MACROD2: variants seen among roughly 807,000 people sequenced by gnomAD.
The protein encoded by MACROD2 is ADP-ribose glycohydrolase MACROD2.
Under a neutral mutation model 70.4 loss-of-function variants are expected in MACROD2, and 36 were observed. The ratio of observed to expected loss-of-function variants is 0.51; its 90% CI spans 0.39 to 0.68. MACROD2 has a LOEUF of 0.68. Ranked by LOEUF, MACROD2 falls within the 30% of genes least tolerant of loss-of-function variation. The pLI, the probability that MACROD2 is intolerant of heterozygous loss-of-function variation, is 0.00. For missense variants in MACROD2, 496 were observed against 538.4 expected (o/e 0.92, Z 0.78); for synonymous variants, 172 against 178.8 (o/e 0.96, Z 0.30).
At chr20:14,376,571 A>T (rs1398608533) in intron 3 of MACROD2, among the ~76,000 whole-genome samples, 1 of 151,764 alleles carries the variant, frequency 6.6e-6, no homozygotes, top group East Asian at 1.9e-4. Context: ...ATATAGTGAG[A>T]CTCCGTCTCT....
rs75601163 is a variant in MACROD2 at position 14,714,165 on chromosome 20, C to T, written c.418+29206C>T. ...TAGACTGAGCCTGTTGCCATGGGTACGTGGAAAATGACAGAGTCAGTATTG... is the reference window on the plus strand; with the variant it reads ...TAGACTGAGCCTGTTGCCATGGGTATGTGGAAAATGACAGAGTCAGTATTG... On this transcript the variant is annotated intron_variant, in intron 5 of 17. Transcript: ENST00000684519. Among the ~76,000 whole-genome samples the T allele has an allele frequency of 1.1e-3, 162 of 152,140 alleles. 2 individuals carry two copies. The East Asian group carries it at 0.026, about 25-fold the overall frequency.
intron 3 of MACROD2, among the ~76,000 whole-genome samples, chr20:14,237,083 T>C (rs1358998607): frequency 7.2e-5 from 11 of 152,174 alleles, no homozygotes; most frequent in Admixed American, 7.2e-4. Flanking sequence ...TCTTCAATAA[T>C]TAGAAGATAA....
intron 8 of MACROD2, among the ~76,000 whole-genome samples, chr20:15,516,136 C>A (rs1389474334): frequency 6.6e-6 from 1 of 151,928 alleles, no homozygotes; most frequent in Non-Finnish European, 1.5e-5. Flanking sequence ...ATCCTTTTTT[C>A]AGTTAATCTA....
chr20:14,219,373 G>A lies in MACROD2; in HGVS notation c.271+133645G>A, dbSNP rs554292270. ...TCTTATTGTTAAAAGTGTGTCCAAA[G>A]TTTCCTGAATTTTTTTTTTTCTTTA... On this transcript the variant is annotated intron_variant, in intron 3 of 17. Coordinates refer to ENST00000684519, the MANE Select transcript of MACROD2 (RefSeq NM_001351661.2). 2.0e-5 allele frequency among the ~76,000 whole-genome samples: 3 copies of A among 151,620 alleles called. No homozygotes were observed. In the South Asian group the frequency reaches 6.3e-4, roughly 32 times the overall value.
intron 15 of MACROD2, among the ~76,000 whole-genome samples, chr20:16,002,731 C>A (rs554570271): frequency 6.6e-6 from 1 of 152,162 alleles, no homozygotes; most frequent in Non-Finnish European, 1.5e-5. Context: ...AGACATCTGG[C>A]CTCCAGAACT....
intron 8 of MACROD2, among the ~76,000 whole-genome samples, chr20:15,675,204 A>G (rs1411711577): frequency 6.6e-6 from 1 of 152,246 alleles, no homozygotes; most frequent in Non-Finnish European, 1.5e-5. Context: ...TTAGGAATGC[A>G]GTAACTAGTT....
chr20:14,763,934 C>A (rs575544724), intron 5 of MACROD2, among the ~76,000 whole-genome samples: 8 of 152,086 alleles, frequency 5.3e-5, no homozygotes, highest in African/African-American at 1.7e-4. Flanking sequence ...AAGGGGTTCA[C>A]AAACCTCAGA....
intron 4 of MACROD2, among the ~76,000 whole-genome samples, chr20:14,560,489 C>G (rs1379901996): frequency 6.6e-6 from 1 of 151,758 alleles, no homozygotes; most frequent in Non-Finnish European, 1.5e-5. Flanking sequence ...CAGCCTATTT[C>G]TGGGATTTAC....
In MACROD2 at chr20:14,056,152, G is replaced by A. The variant is rs571256708; in HGVS notation, c.164-29469G>A. 2.0e-5 allele frequency among the ~76,000 whole-genome samples: 3 copies of A among 151,994 alleles called. No individual in the cohort carries two copies. In the East Asian group the frequency reaches 5.8e-4, roughly 29 times the overall value. On this transcript the variant is annotated intron_variant, in intron 2 of 17. Transcript: ENST00000684519. ...GGTTTTGGATAATATGATAATTTGT[G>A]TTTTCCTTAAGAATTGTCTGTTTTG...
intron 4 of MACROD2, among the ~76,000 whole-genome samples, chr20:14,586,907 C>T (rs528096299): frequency 1.3e-4 from 20 of 152,080 alleles, no homozygotes; most frequent in African/African-American, 4.6e-4. Context: ...CATTACTCTT[C>T]TCTTTCAGAA....
At chr20:14,547,246 G>A (rs1342998545) in intron 4 of MACROD2, 2 of 588,578 alleles carry the variant, frequency 3.4e-6, no homozygotes, top group Non-Finnish European at 2.4e-6. Flanking sequence ...GGAGGGACAC[G>A]TGAAGGATCT....
At chr20:14,814,933 A>G (rs1410177987) in intron 5 of MACROD2, among the ~76,000 whole-genome samples, 1 of 152,032 alleles carries the variant, frequency 6.6e-6, no homozygotes, top group African/African-American at 2.4e-5. Context: ...GAATGAATGA[A>G]TGAATGAATG....
intron 3 of MACROD2, among the ~76,000 whole-genome samples, chr20:14,488,370 A>G (rs2084758580): frequency 6.6e-6 from 1 of 152,216 alleles, no homozygotes; most frequent in South Asian, 2.1e-4. Context: ...GATCTACAGT[A>G]TAGTGTCATA....
intron 6 of MACROD2, among the ~76,000 whole-genome samples, chr20:15,364,701 T>G (rs980186930): frequency 6.6e-6 from 1 of 152,188 alleles, no homozygotes; most frequent in Non-Finnish European, 1.5e-5. Context: ...GCACGTTATC[T>G]CCTCCTTTTC....
chr20:14,427,163 T>C (rs969394548), intron 3 of MACROD2, among the ~76,000 whole-genome samples: 2 of 152,106 alleles, frequency 1.3e-5, no homozygotes, highest in Non-Finnish European at 2.9e-5. Context: ...GGTGAAACTT[T>C]TATAATAAAT....
intron 6 of MACROD2, among the ~76,000 whole-genome samples, chr20:15,338,086 C>CT (rs1406872649): frequency 6.6e-6 from 1 of 151,422 alleles, no homozygotes; most frequent in Admixed American, 6.6e-5. Context: ...AGTACCCTCT[C>CT]TTTTTCAGGT....
chr20:14,931,573 G>A (rs2074296116), intron 5 of MACROD2, among the ~76,000 whole-genome samples: 2 of 152,108 alleles, frequency 1.3e-5, no homozygotes, highest in South Asian at 4.1e-4. Flanking sequence ...GCTTTGTGAT[G>A]CATATTGGTA....
intron 6 of MACROD2, among the ~76,000 whole-genome samples, chr20:15,326,555 T>A (rs969509452): frequency 2.0e-5 from 3 of 152,150 alleles, no homozygotes; most frequent in African/African-American, 7.2e-5. Context: ...CCTATAACCA[T>A]TTTTTAAAGT....
At chr20:15,939,404 G>A (rs113225727) in intron 12 of MACROD2, among the ~76,000 whole-genome samples, 35 of 152,060 alleles carry the variant, frequency 2.3e-4, no homozygotes, top group Non-Finnish European at 4.0e-4. Flanking sequence ...ACAATTAGGC[G>A]AAGTCTACCC....
Sources: gnomAD v4.1 joint callset for allele counts (sites outside exome capture counted in the v4.1 genomes callset) on GRCh38, gnomAD v4.1.1 for gene constraint, MANE v1.5 for transcripts, NCBI Gene and HGNC (gene_info 2026-07-23, HGNC 2026-07-21) for gene names.